The following AUH variants were observed in gnomAD, a reference collection of about 807,000 sequenced individuals.
AUH encodes the protein methylglutaconyl-CoA hydratase, mitochondrial.
A neutral mutation model predicts 42.3 loss-of-function variants in AUH; 29 were observed. That is an observed-to-expected ratio of 0.69 (90% CI 0.51 to 0.93). AUH has a LOEUF of 0.93. Ranked by LOEUF, AUH falls within the 40% of genes least tolerant of loss-of-function variation. AUH has a pLI of 0.00. For synonymous variants in AUH, 174 were observed against 166.4 expected (o/e 1.05, Z -0.35); for missense variants, 452 against 438.1 (o/e 1.03, Z -0.28).
At chr9:91,347,047 G>GT (rs890327070) in intron 3 of AUH, among the ~76,000 whole-genome samples, 6 of 151,550 alleles carry the variant, frequency 4.0e-5, no homozygotes, top group Admixed American at 1.3e-4. Context: ...TTTTTGTTTT[G>GT]TTTTTTTGAG....
In AUH at chr9:91,353,621, C is replaced by T. The variant is rs558014167; in HGVS notation, c.418+2262G>A. The stretch of plus-strand genomic sequence containing the variant: ...TTGGGAGGCCGAGGTGAGCGGATCA[C>T]GAGGTCAGGAGATCGAGACCATCCT... On this transcript the variant is annotated intron_variant, in intron 3 of 9. Transcript: ENST00000375731. 6.6e-5 allele frequency among the ~76,000 whole-genome samples: 10 copies of T among 151,802 alleles called. No homozygotes were observed. In the South Asian group the frequency reaches 1.0e-3, roughly 16 times the overall value.
intron 3 of AUH, among the ~76,000 whole-genome samples, chr9:91,345,524 G>A (rs187449452): frequency 3.2e-4 from 48 of 152,194 alleles, no homozygotes; most frequent in Admixed American, 1.9e-3. Context: ...CAGACAGTGC[G>A]GTATTGGCAT....
At chr9:91,230,487 C>T (rs956571648) in intron 6 of AUH, among the ~76,000 whole-genome samples, 6 of 151,934 alleles carry the variant, frequency 3.9e-5, no homozygotes, top group African/African-American at 1.5e-4. Flanking sequence ...AACTTCTTTG[C>T]CTTTGGTTTG....
chr9:91,298,579 G>C (rs767392635), intron 4 of AUH, among the ~76,000 whole-genome samples: 24 of 152,224 alleles, frequency 1.6e-4, no homozygotes, highest in Non-Finnish European at 2.1e-4. Flanking sequence ...CCCGTGAGCT[G>C]TCATTTAGTG....
At chr9:91,230,778 G>A (rs1401985098) in intron 6 of AUH, among the ~76,000 whole-genome samples, 1 of 152,164 alleles carries the variant, frequency 6.6e-6, no homozygotes, top group Non-Finnish European at 1.5e-5. Flanking sequence ...TAACAGACAG[G>A]ACCCTCAGCT....
At chr9:91,305,473 T>C (rs1300382898) in intron 4 of AUH, among the ~76,000 whole-genome samples, 1 of 152,178 alleles carries the variant, frequency 6.6e-6, no homozygotes, top group Non-Finnish European at 1.5e-5. Context: ...ACATACCATG[T>C]TGAATGATTT....
At chr9:91,286,064 T>G (rs1391573971) in intron 6 of AUH, among the ~76,000 whole-genome samples, 1 of 152,182 alleles carries the variant, frequency 6.6e-6, no homozygotes, top group Admixed American at 6.6e-5. Context: ...AGAATGATCT[T>G]TTGATATTTA....
chr9:91,323,261 C>T (rs963809827), intron 4 of AUH, among the ~76,000 whole-genome samples: 4 of 152,060 alleles, frequency 2.6e-5, no homozygotes, highest in African/African-American at 9.7e-5. Flanking sequence ...ACTGAAAACA[C>T]AAGAAAATTA....
At chr9:91,268,192 T>C (rs1427737835) in intron 6 of AUH, among the ~76,000 whole-genome samples, 1 of 152,236 alleles carries the variant, frequency 6.6e-6, no homozygotes, top group African/African-American at 2.4e-5. Flanking sequence ...AGTTTTCTTT[T>C]ATACATGAAA....
intron 6 of AUH, among the ~76,000 whole-genome samples, chr9:91,258,180 C>G (rs1196130710): frequency 2.6e-5 from 4 of 152,144 alleles, no homozygotes; most frequent in Non-Finnish European, 4.4e-5. Context: ...CTGAACATAT[C>G]ATGACATGTG....
At chr9:91,325,477 T>C (rs1032194851) in intron 3 of AUH, 73 bp from the exon 4 acceptor site, 31 of 1,250,744 alleles carry the variant, frequency 2.5e-5, no homozygotes, top group Non-Finnish European at 3.5e-5. Flanking sequence ...GAAAATTTAC[T>C]TAAGATTAGT....
At chr9:91,295,027 G>A (rs950498149) in intron 6 of AUH, among the ~76,000 whole-genome samples, 1 of 152,162 alleles carries the variant, frequency 6.6e-6, no homozygotes, top group Non-Finnish European at 1.5e-5. Flanking sequence ...CATGGAGGCG[G>A]GTTTCCCCCA....
At chr9:91,284,713 G>T (rs1826258050) in intron 6 of AUH, among the ~76,000 whole-genome samples, 1 of 152,098 alleles carries the variant, frequency 6.6e-6, no homozygotes, top group Non-Finnish European at 1.5e-5. Flanking sequence ...ATGAAAAAAT[G>T]CTGTATCACT....
chr9:91,333,195 C>T (rs1830454918), intron 3 of AUH, among the ~76,000 whole-genome samples: 1 of 152,180 alleles, frequency 6.6e-6, no homozygotes, highest in South Asian at 2.1e-4. Context: ...AGTCAGTTGG[C>T]TTAGCATTTC....
At position 91,361,784 on chromosome 9, in the gene AUH, G is replaced by C. The variant is rs1482267301; in HGVS notation, c.106C>G (p.Leu36Val). 4 of 1,543,276 alleles carry C rather than the reference G, an allele frequency of 2.6e-6. No individual in the cohort carries two copies. In the Admixed American group the frequency reaches 5.9e-5, roughly 23 times the overall value. The change falls in exon 1 of 10, where the codon CTG becomes GTG. Residue 36 changes from leucine to valine, a missense_variant. Transcript: ENST00000375731. ...CSAWLCPGLR[L>V]PGSLAGRRAG... ...CGCCGGCCTGCCAACGAGCCGGGCAGCCTCAACCCCGGGCAGAGCCACGCA... is the reference window on the plus strand; with the variant it reads ...CGCCGGCCTGCCAACGAGCCGGGCACCCTCAACCCCGGGCAGAGCCACGCA...
chr9:91,253,976 A>ATAATTACATTTCCAAC (rs555765229), intron 6 of AUH, among the ~76,000 whole-genome samples: 5 of 152,252 alleles, frequency 3.3e-5, no homozygotes, highest in African/African-American at 9.6e-5. Flanking sequence ...CAGAGTGAAA[A>ATAATTACATTTCCAAC]TAATTACATT....
chr9:91,316,747 G>C (rs1206316129), intron 4 of AUH, among the ~76,000 whole-genome samples: 1 of 152,146 alleles, frequency 6.6e-6, no homozygotes, highest in African/African-American at 2.4e-5. Flanking sequence ...TGCATGTATT[G>C]ATTCCTGTAT....
At chr9:91,325,051 G>T (rs1245885615) in intron 4 of AUH, among the ~76,000 whole-genome samples, 2 of 152,044 alleles carry the variant, frequency 1.3e-5, no homozygotes, top group Non-Finnish European at 2.9e-5. Flanking sequence ...TATAGATATT[G>T]TAAGTCAAAG....
chr9:91,248,856 G>C (rs1828946590), intron 6 of AUH, among the ~76,000 whole-genome samples: 1 of 152,204 alleles, frequency 6.6e-6, no homozygotes, highest in Non-Finnish European at 1.5e-5. Flanking sequence ...CAATGATGAT[G>C]TTAAGCGAGG....
Sources: allele counts gnomAD v4.1 joint callset (sites outside exome capture counted in the v4.1 genomes callset), GRCh38; gene constraint gnomAD v4.1.1; transcripts MANE v1.5; gene names NCBI Gene and HGNC (gene_info 2026-07-23, HGNC 2026-07-21).